The following INSRR variants were observed in gnomAD, a reference collection of about 807,000 sequenced individuals.
INSRR encodes the protein insulin receptor-related protein.
Under a neutral mutation model 130.0 loss-of-function variants are expected in INSRR, and 114 were observed. The observed-to-expected ratio is 0.88, with a 90% CI of 0.75 to 1.02. INSRR has a LOEUF of 1.02. Ranked by LOEUF, INSRR falls within the 50% of genes least tolerant of loss-of-function variation. The pLI is 0.00. For synonymous variants in INSRR, 674 were observed against 705.2 expected, an observed-to-expected ratio of 0.96 and a Z score of 0.70; for missense variants, 1,657 against 1,735.2, an observed-to-expected ratio of 0.95 and a Z score of 0.80.
rs1654735314 is a variant in INSRR, at chr1:156,840,571, C to T, written c.*302G>A. On this transcript the variant is annotated 3_prime_UTR_variant, in exon 22 of 22. Coordinates refer to ENST00000368195, the MANE Select transcript of INSRR (RefSeq NM_014215.3). Reference sequence around the variant, plus strand: ...CAGGGCCTCTAGGGTGGGCGGGCCCCCTCTTCCTAGTCTGAGTGGGGTCCC... The same window carrying T: ...CAGGGCCTCTAGGGTGGGCGGGCCCTCTCTTCCTAGTCTGAGTGGGGTCCC... The T allele has an allele frequency of 9.2e-6, 4 of 433,512 alleles. No homozygotes were observed. Among genetic ancestry groups the T allele is most frequent in the Non-Finnish European group, 1.7e-5 (4 of 235,540 alleles). The allele number at this position is 433,512 out of a possible 1,614,324, so 26.9% of individuals were successfully genotyped here. A position where few individuals can be genotyped will look rare whatever the true frequency, so the allele number is the denominator to read the frequency against.
chr1:156,842,615 C>G (rs1176312787), intron 17 of INSRR, 107 bp from the exon 18 acceptor site: 2 of 768,380 alleles, frequency 2.6e-6, no homozygotes, highest in East Asian at 5.3e-5. Context: ...AAACCTGACC[C>G]TAACCCCAAC....
At position 156,854,249 on chromosome 1, in the gene INSRR, T is replaced by A. The variant is rs1032557966; in HGVS notation, c.140A>T (p.Asn47Ile). Reference protein sequence around the residue: ...SEVAELRQLENCSVVEGHLQI... With the variant: ...SEVAELRQLEICSVVEGHLQI... ...CAGGTGGCCCTCCACCACGCTGCAGTTCTCCAGCTGACGAAGCTCTGCCAC... is the reference window on the plus strand; with the variant it reads ...CAGGTGGCCCTCCACCACGCTGCAGATCTCCAGCTGACGAAGCTCTGCCAC... The change falls in exon 2 of 22, where the codon AAC becomes ATC. Residue 47 changes from asparagine (N) to isoleucine (I), a missense_variant. By Grantham distance (149) the Asn-to-Ile change is moderately radical. Transcript: ENST00000368195. This position sits in a 1 kb window ranked among gnomAD's most constrained non-coding sequence, Gnocchi z 4.2. The A allele has an allele frequency of 6.2e-7, 1 of 1,613,678 alleles. No homozygotes were observed. Among genetic ancestry groups the A allele is most frequent in the Non-Finnish European group, 8.5e-7 (1 of 1,179,988 alleles).
chr1:156,845,742 T>C lies in INSRR; in HGVS notation c.2051A>G (p.Glu684Gly), dbSNP rs1654975660. The C allele has an allele frequency of 4.3e-6, 7 of 1,613,454 alleles. No homozygotes were observed. Among genetic ancestry groups the C allele is most frequent in the Non-Finnish European group, 5.9e-6 (7 of 1,179,928 alleles). ...GEDGDPEAEM[E>G]SDCCPCQHPP... is the part of the protein sequence containing the mutation. ...GTGCTGGCAAGGGCAGCAGTCGGAC[T>C]CCATCTCGGCCTCAGGATCCCCGTC... Residue 684 changes from glutamate to glycine, a missense_variant, in exon 10 of 22, where the codon GAG (glutamate) becomes GGG (glycine). Physicochemically the swap from Glu to Gly is moderately conservative, Grantham distance 98. Transcript: ENST00000368195.
chr1:156,843,465 T>C lies in INSRR; in HGVS notation c.2858A>G (p.Tyr953Cys). Residue 953 changes from tyrosine (Y) to cysteine (C), a missense_variant, in exon 16 of 22, where the codon TAT becomes TGT. By Grantham distance (194) the Tyr-to-Cys change is radical. Coordinates refer to ENST00000368195, the MANE Select transcript of INSRR (RefSeq NM_014215.3). Reference protein sequence around the residue: ...FYGKKRNRTLYASVNPEYFSA... With the variant: ...FYGKKRNRTLCASVNPEYFSA... ...GAAGTACTCTGGATTCACAGAAGCA[T>C]ACAGGGTTCTGTTTCTGCAACGGGA... 6.2e-7 allele frequency: 1 copy of C among 1,614,232 alleles called. No individual in the cohort carries two copies. Among genetic ancestry groups the C allele is most frequent in the South Asian group, 1.1e-5 (1 of 91,084 alleles).
At chr1:156,849,513 G>GGGGGGGGGGGGC in intron 5 of INSRR, 53 bp from the exon 6 acceptor site, 3 of 486,120 alleles carry the variant, frequency 6.2e-6, no homozygotes, top group Non-Finnish European at 8.3e-6. Context: ...CAGGGGGTGG[G>GGGGGGGGGGGGC]AAAGGGGATG....
In INSRR at chr1:156,846,699, T is replaced by C. The variant is rs867392196; in HGVS notation, c.1630A>G (p.Asn544Asp). 2 of 1,614,150 alleles carry C rather than the reference T, an allele frequency of 1.2e-6. No individual in the cohort carries two copies. Among genetic ancestry groups the C allele is most frequent in the African/African-American group, 1.3e-5 (1 of 75,042 alleles). Residue 544 changes from asparagine to aspartate, a missense_variant, in exon 8 of 22, where the codon AAC becomes GAC. By Grantham distance (23) the Asn-to-Asp change is conservative. Transcript: ENST00000368195. ...GPDACGTQSW[N>D]LLDVELPLSR... is the part of the protein sequence containing the mutation. ...AGGGGCAGCTCCACATCCAGCAGGT[T>C]CCAGCTCTGGGTTCCACAAGCATCT... is the stretch of plus-strand genomic sequence containing the variant.
chr1:156,858,651 G>T lies in INSRR; in HGVS notation c.-30C>A, dbSNP rs749832322. 28 of 1,591,370 alleles carry T rather than the reference G, an allele frequency of 1.8e-5. No individual in the cohort carries two copies. Among genetic ancestry groups the T allele is most frequent in the Non-Finnish European group, 2.4e-5 (28 of 1,159,446 alleles). On this transcript the variant is annotated 5_prime_UTR_variant, in exon 1 of 22. Transcript: ENST00000368195. ...CCAGCCCTGGCTTGTGTCCAGTCCC[G>T]GCTCTCCTCCCGGTGACTCTGGGGA...
At position 156,840,323 on chromosome 1, in the gene INSRR, C is replaced by T; in HGVS notation, c.*550G>A. The stretch of plus-strand genomic sequence containing the variant: ...AAGGAGAGGAGGAGGTGAGGGCGGG[C>T]AGGCTGGGAACCACTCCCCAGGCCC... On this transcript the variant is annotated 3_prime_UTR_variant, in exon 22 of 22. Coordinates refer to ENST00000368195, the MANE Select transcript of INSRR (RefSeq NM_014215.3). 1 of 160,010 alleles carries T rather than the reference C, an allele frequency of 6.2e-6. No homozygotes were observed. The highest frequency in any genetic ancestry group is 1.4e-5 in the Non-Finnish European group (1 of 72,840). 9.9% of individuals were successfully genotyped at this position (160,010 alleles called of 1,614,324 possible). A position where few individuals can be genotyped will look rare whatever the true frequency, so the allele number is the denominator to read the frequency against.
chr1:156,849,230 G>C lies in INSRR; in HGVS notation c.1444+16C>G. 2.5e-6 allele frequency: 4 copies of C among 1,612,686 alleles called. No homozygotes were observed. Among genetic ancestry groups the C allele is most frequent in the South Asian group, 2.2e-5 (2 of 91,044 alleles). ...GTGTGGCCGCGTGTCCACCGGCACTGGGGTTGGGGTCTCACAGGCGGCGCG... is the reference window on the plus strand; with the variant it reads ...GTGTGGCCGCGTGTCCACCGGCACTCGGGTTGGGGTCTCACAGGCGGCGCG... On this transcript the variant is annotated intron_variant, in intron 6 of 21. Coordinates refer to ENST00000368195, the MANE Select transcript of INSRR (RefSeq NM_014215.3).
At chr1:156,851,536 T>C (rs1465920133) in intron 4 of INSRR, 102 bp from the exon 5 acceptor site, 1 of 1,601,992 alleles carries the variant, frequency 6.2e-7, no homozygotes, top group African/African-American at 1.3e-5. Flanking sequence ...CCCTCAGGAC[T>C]GGGACCCAGG....
At chr1:156,855,723 G>T (rs1388729082) in intron 1 of INSRR, among the ~76,000 whole-genome samples, 4 of 152,128 alleles carry the variant, frequency 2.6e-5, no homozygotes, top group African/African-American at 4.8e-5. Context: ...TACTCAGGAG[G>T]TTGAGGTGGG....
chr1:156,841,001 G>A lies in INSRR; in HGVS notation c.3766C>T (p.Leu1256Phe), dbSNP rs150504965. 1.9e-6 allele frequency: 3 copies of A among 1,612,426 alleles called. No individual in the cohort carries two copies. The highest frequency in any genetic ancestry group is 2.5e-6 in the Non-Finnish European group (3 of 1,179,346). Residue 1256 changes from leucine (L) to phenylalanine (F), a missense_variant, in exon 22 of 22, where the codon CTC (leucine) becomes TTC (phenylalanine). By Grantham distance (22) the Leu-to-Phe change is conservative. Transcript: ENST00000368195. Reference protein sequence around the residue: ...IQEELRPSFRLLSFYYSPECR... With the variant: ...IQEELRPSFRFLSFYYSPECR... ...TCCGGGCTGTAGTAGAAGGAGAGGA[G>A]GCGGAAGGAGGGCCGCAGCTCCTCC...
rs1654835340 is a variant in INSRR, at chr1:156,842,436, G to A, written c.3199C>T (p.Leu1067Phe). ...CGCAAAGATCGAAGATGGCTCTTGA[G>A]GTCCCCACGGGTCATTAACTCCATG... ...VIMELMTRGD[L>F]KSHLRSLRPE... The change falls in exon 18 of 22, where the codon CTC (leucine) becomes TTC (phenylalanine). Residue 1067 changes from leucine to phenylalanine, a missense_variant. Leu to Phe is a conservative substitution (Grantham distance 22). Coordinates refer to ENST00000368195, the MANE Select transcript of INSRR (RefSeq NM_014215.3). 1.9e-6 allele frequency: 3 copies of A among 1,613,926 alleles called. No individual in the cohort carries two copies. The highest frequency in any genetic ancestry group is 1.7e-5 in the Admixed American group (1 of 59,992).
In INSRR at chr1:156,846,751, G is replaced by C; in HGVS notation, c.1578C>G (p.Phe526Leu). The change falls in exon 8 of 22, where the codon TTC (phenylalanine) becomes TTG (leucine). Residue 526 changes from phenylalanine to leucine, a missense_variant. Physicochemically the swap from Phe to Leu is conservative, Grantham distance 22. Transcript: ENST00000368195. ...SFIVYYKESP[F>L]QNATEHVGPD... is the part of the protein sequence containing the mutation. The stretch of plus-strand genomic sequence containing the variant: ...GACCCACGTGCTCTGTGGCGTTCTG[G>C]AATGGGCTGAACACCCATCCCCAGA... 6.2e-7 allele frequency: 1 copy of C among 1,613,350 alleles called. No individual in the cohort carries two copies. The highest frequency in any genetic ancestry group is 8.5e-7 in the Non-Finnish European group (1 of 1,179,454).
In INSRR at chr1:156,845,615, G is replaced by T; in HGVS notation, c.2174+4C>A. ...CCCTCCCAGGCCGCGCGCGCTCTTC[G>T]CACATGGGGATGGTGATCGCGTTGT... On this transcript the variant is annotated splice_donor_region_variant and intron_variant, in intron 10 of 21. Transcript: ENST00000368195. 4 of 1,593,324 alleles carry T rather than the reference G, an allele frequency of 2.5e-6. No homozygotes were observed. Among genetic ancestry groups the T allele is most frequent in the Non-Finnish European group, 2.6e-6 (3 of 1,171,582 alleles).
In INSRR at chr1:156,854,422, C is replaced by T; in HGVS notation, c.86-119G>A. ...AGGACAATGAGTGAGGAGCCGGGCT[C>T]TGCTCTGGGTGTGGGGTGGCCTCCT... On this transcript the variant is annotated intron_variant, in intron 1 of 21. Transcript: ENST00000368195. This position sits in a 1 kb window ranked among gnomAD's most constrained non-coding sequence, Gnocchi z 4.2. The T allele has an allele frequency of 9.0e-7, 1 of 1,106,542 alleles. No individual in the cohort carries two copies. The highest frequency in any genetic ancestry group is 1.3e-6 in the Non-Finnish European group (1 of 789,072). The allele number at this position is 1,106,542 out of a possible 1,614,324, so 68.5% of individuals were successfully genotyped here. A position where few individuals can be genotyped will look rare whatever the true frequency, so the allele number is the denominator to read the frequency against.
In INSRR at chr1:156,854,869, T is replaced by C. The variant is rs965646835; in HGVS notation, c.86-566A>G. Among the ~76,000 whole-genome samples the C allele has an allele frequency of 6.6e-6, 1 of 152,256 alleles. No homozygotes were observed. The highest frequency in any genetic ancestry group is 6.5e-5 in the Admixed American group (1 of 15,290). ...CAGATGGATCACGTTTCTCCTCTGC[T>C]TATAACCCCCCGTGACTTCCATCTC... On this transcript the variant is annotated intron_variant, in intron 1 of 21. Coordinates refer to ENST00000368195, the MANE Select transcript of INSRR (RefSeq NM_014215.3). The surrounding 1 kb of genome is among the most constrained non-coding windows in gnomAD (Gnocchi z 4.2).
Position 156,846,733 on chromosome 1 carries a change from G to A in INSRR, c.1596C>T (p.His532=), listed in dbSNP as rs757157331. 11 of 1,613,904 alleles carry A rather than the reference G, an allele frequency of 6.8e-6. No individual in the cohort carries two copies. Among genetic ancestry groups the A allele is most frequent in the African/African-American group, 1.3e-5 (1 of 74,914 alleles). Residue 532 remains histidine, a synonymous_variant, in exon 8 of 22, where the codon CAC becomes CAT. Transcript: ENST00000368195. The part of the protein sequence containing the change: ...KESPFQNATE[H]VGPDACGTQS... ...GGGTTCCACAAGCATCTGGACCCAC[G>A]TGCTCTGTGGCGTTCTGGAATGGGC... is the stretch of plus-strand genomic sequence containing the variant.
chr1:156,848,778 C>A, intron 7 of INSRR, 143 bp downstream of exon 7: 3 of 941,482 alleles, frequency 3.2e-6, no homozygotes, highest in Non-Finnish European at 3.1e-6. Flanking sequence ...CAGACCTGGG[C>A]CCTACCACGG....
Sources: allele counts gnomAD v4.1 joint callset (sites outside exome capture counted in the v4.1 genomes callset), GRCh38; gene constraint gnomAD v4.1.1; non-coding constraint Gnocchi (gnomAD v3.1); transcripts MANE v1.5; gene names NCBI Gene and HGNC (gene_info 2026-07-23, HGNC 2026-07-21).